The following MRTFA variants were observed in gnomAD, a reference collection of about 807,000 sequenced individuals.
The protein encoded by MRTFA is myocardin-related transcription factor A.
A neutral mutation model predicts 83.5 loss-of-function variants in MRTFA; 20 were observed. The ratio of observed to expected loss-of-function variants is 0.24; its 90% CI spans 0.17 to 0.35. The LOEUF (loss-of-function observed/expected upper bound fraction) is 0.35. Among genes scored for constraint, MRTFA ranks in the 10% least tolerant of loss-of-function variants. The pLI, the probability that MRTFA is intolerant of heterozygous loss-of-function variation, is 1.00. For missense variants in MRTFA, 1,200 were observed against 1,224.7 expected, an observed-to-expected ratio of 0.98 and a Z score of 0.30; for synonymous variants, 659 against 541.2, an observed-to-expected ratio of 1.22 and a Z score of -3.02.
At chr22:40,612,200 T>C (rs2056394712) in intron 1 of MRTFA, among the ~76,000 whole-genome samples, 1 of 152,224 alleles carries the variant, frequency 6.6e-6, no homozygotes, top group African/African-American at 2.4e-5. Flanking sequence ...AGATACTCAG[T>C]AACTATTTGA....
chr22:40,527,890 A>G (rs1053307902), intron 3 of MRTFA, among the ~76,000 whole-genome samples: 1 of 152,178 alleles, frequency 6.6e-6, no homozygotes, highest in Admixed American at 6.5e-5. Flanking sequence ...TGGTCTTGAC[A>G]GCTTGCCTCA....
intron 14 of MRTFA, among the ~76,000 whole-genome samples, chr22:40,414,034 TAAACAC>T (rs945595801): frequency 1.1e-4 from 17 of 152,254 alleles, no homozygotes; most frequent in African/African-American, 3.9e-4. Context: ...CTCAAAAAGT[TAAACAC>T]AGAAGTTACC....
intron 2 of MRTFA, among the ~76,000 whole-genome samples, chr22:40,564,732 A>G (rs984813161): frequency 1.3e-5 from 2 of 152,048 alleles, no homozygotes; most frequent in Non-Finnish European, 2.9e-5. Flanking sequence ...GGCTCACTGC[A>G]ACCTCCGTCT....
intron 4 of MRTFA, among the ~76,000 whole-genome samples, chr22:40,442,473 C>A (rs1274791100): frequency 6.6e-6 from 1 of 152,182 alleles, no homozygotes; most frequent in Non-Finnish European, 1.5e-5. Context: ...TAGGAATAAA[C>A]CCATTTAACA....
intron 3 of MRTFA, among the ~76,000 whole-genome samples, chr22:40,478,880 G>A (rs746997043): frequency 6.6e-6 from 1 of 152,100 alleles, no homozygotes; most frequent in Non-Finnish European, 1.5e-5. Context: ...AGCCCTAGCT[G>A]CTGTTCCACA....
intron 4 of MRTFA, among the ~76,000 whole-genome samples, chr22:40,457,469 A>AGAAAGAAT (rs1271225586): frequency 6.6e-6 from 1 of 150,864 alleles, no homozygotes; most frequent in Non-Finnish European, 1.5e-5. Flanking sequence ...AAAGAAAGAA[A>AGAAAGAAT]GAAAGAAAGA....
chr22:40,441,706 A>G (rs2053278013), intron 4 of MRTFA, among the ~76,000 whole-genome samples: 1 of 151,868 alleles, frequency 6.6e-6, no homozygotes, highest in African/African-American at 2.4e-5. Context: ...AGAAATGCTT[A>G]AACCTGGGAG....
chr22:40,482,172 A>AT (rs2054103280), intron 3 of MRTFA, among the ~76,000 whole-genome samples: 2 of 152,102 alleles, frequency 1.3e-5, no homozygotes, highest in South Asian at 4.1e-4. Flanking sequence ...GCTATTTGAG[A>AT]TATGTACTAT....
chr22:40,471,111 G>T (rs561076476), intron 3 of MRTFA, among the ~76,000 whole-genome samples: 1 of 151,358 alleles, frequency 6.6e-6, no homozygotes, highest in African/African-American at 2.4e-5. Flanking sequence ...GCCGGGTGTG[G>T]TAGCTCACAC....
intron 1 of MRTFA, among the ~76,000 whole-genome samples, chr22:40,617,160 A>C (rs1602499663): frequency 1.1e-5 from 1 of 94,222 alleles, no homozygotes. Context: ...GAAGGAAGGA[A>C]GGAGGGAAGG....
chr22:40,500,835 T>TC (rs1021890432), intron 3 of MRTFA, among the ~76,000 whole-genome samples: 121 of 151,690 alleles, frequency 8.0e-4, no homozygotes, highest in African/African-American at 2.9e-3. Flanking sequence ...CTCAATCTTT[T>TC]CCCCACCTTT....
intron 1 of MRTFA, among the ~76,000 whole-genome samples, chr22:40,628,612 A>G (rs955309358): frequency 1.3e-5 from 2 of 152,090 alleles, no homozygotes; most frequent in Admixed American, 6.6e-5. Flanking sequence ...ATGAGTGGGG[A>G]GCAAATGAAC....
At chr22:40,423,376 G>A (rs1190799992) in intron 9 of MRTFA, among the ~76,000 whole-genome samples, 160 bp downstream of exon 9, 3 of 152,172 alleles carry the variant, frequency 2.0e-5, no homozygotes. Context: ...AACAGCCAGT[G>A]TCATGATGGA....
intron 1 of MRTFA, among the ~76,000 whole-genome samples, chr22:40,616,064 A>T (rs1224415094): frequency 6.6e-5 from 10 of 152,234 alleles, no homozygotes; most frequent in Admixed American, 6.5e-4. Flanking sequence ...ACACATTTTT[A>T]AAATTTAAAT....
At chr22:40,544,480 G>A (rs1197747120) in intron 3 of MRTFA, among the ~76,000 whole-genome samples, 1 of 152,104 alleles carries the variant, frequency 6.6e-6, no homozygotes, top group Admixed American at 6.6e-5. Flanking sequence ...TCCCGCCTTG[G>A]CCTCCCCAAG....
chr22:40,634,475 T>C (rs1262108622), intron 1 of MRTFA, among the ~76,000 whole-genome samples: 4 of 152,292 alleles, frequency 2.6e-5, no homozygotes, highest in Non-Finnish European at 5.9e-5. Context: ...CAAATGCCAT[T>C]TTCTTTGAAG....
chr22:40,470,811 T>A (rs924563268), intron 3 of MRTFA, among the ~76,000 whole-genome samples: 2 of 151,410 alleles, frequency 1.3e-5, no homozygotes, highest in African/African-American at 4.9e-5. Flanking sequence ...TAGCCAGGTG[T>A]GGCAACAGGC....
At chr22:40,570,167 T>C (rs2055768388) in intron 2 of MRTFA, among the ~76,000 whole-genome samples, 1 of 152,080 alleles carries the variant, frequency 6.6e-6, no homozygotes, top group Non-Finnish European at 1.5e-5. Flanking sequence ...TAAATACATA[T>C]CAGAAGGAAG....
At chr22:40,498,273 A>ATTTTTTT (rs1189933906) in intron 3 of MRTFA, among the ~76,000 whole-genome samples, 6 of 40,968 alleles carry the variant, frequency 1.5e-4, no homozygotes, top group African/African-American at 3.2e-4. Context: ...ATATATATAT[A>ATTTTTTT]TTTTTTTTTT....
Sources: gnomAD v4.1 joint callset for allele counts (sites outside exome capture counted in the v4.1 genomes callset) on GRCh38, gnomAD v4.1.1 for gene constraint, MANE v1.5 for transcripts, NCBI Gene and HGNC (gene_info 2026-07-23, HGNC 2026-07-21) for gene names.